Variants in ST3GAL3 observed in about 807,000 individuals in gnomAD.
ST3GAL3 encodes the protein ST3 beta-galactoside alpha-2,3-sialyltransferase 3.
A neutral mutation model predicts 50.1 loss-of-function variants in ST3GAL3; 21 were observed. The ratio of observed to expected loss-of-function variants is 0.42; its 90% confidence interval spans 0.30 to 0.60. The LOEUF (loss-of-function observed/expected upper bound fraction) is 0.60, where lower values mean the gene tolerates loss of function less well. Among genes scored for constraint, ST3GAL3 ranks in the 20% least tolerant of loss-of-function variants. ST3GAL3 has a pLI of 0.19. For synonymous variants in ST3GAL3, 183 were observed against 190.0 expected (o/e 0.96, Z 0.30); for missense variants, 353 against 489.4 (o/e 0.72, Z 2.63).
rs67747915 is a variant in ST3GAL3, at chr1:43,761,950, CAAAAAAAAAAA to C, written c.118+25589_118+25599del. ...TGGGCAACAGAGCGACACTCTGTCT[CAAAAAAAAAAA>C]AAAAAAAAAAAAAAAAAATTCAGGC... On this transcript the variant is annotated intron_variant, in intron 2 of 11. Coordinates refer to ENST00000347631, the MANE Select transcript of ST3GAL3 (RefSeq NM_006279.5). 3.8e-3 allele frequency among the ~76,000 whole-genome samples: 264 copies of C among 68,836 alleles called. 4 individuals are homozygous for C. The East Asian group carries it at 0.06, about 16-fold the overall frequency. The allele number at this position is 68,836 out of a possible 152,430, so 45.2% of individuals were successfully genotyped here. A position where few individuals can be genotyped will look rare whatever the true frequency, so the allele number is the denominator to read the frequency against.
intron 5 of ST3GAL3, among the ~76,000 whole-genome samples, chr1:43,886,821 A>G (rs943621963): frequency 6.6e-6 from 1 of 152,212 alleles, no homozygotes; most frequent in Non-Finnish European, 1.5e-5. Context: ...AAGCGGGTAC[A>G]TGGCCAGGAC....
intron 2 of ST3GAL3, among the ~76,000 whole-genome samples, chr1:43,749,167 C>G (rs908828170): frequency 6.6e-6 from 1 of 152,084 alleles, no homozygotes; most frequent in Admixed American, 6.6e-5. Context: ...AATAAGGAAC[C>G]ACAATTCCTA....
At position 43,881,642 on chromosome 1, in the gene ST3GAL3, G is replaced by A. The variant is rs545356929; in HGVS notation, c.303-12741G>A. Among the ~76,000 whole-genome samples the A allele has an allele frequency of 2.6e-4, 39 of 152,324 alleles. No homozygotes were observed. The South Asian group carries it at 6.8e-3, about 27-fold the overall frequency. On this transcript the variant is annotated intron_variant, in intron 5 of 11. Transcript: ENST00000347631. ...AGGCACTGCCCCCTTGAGGGCCTCTGGCTCAGCCTCTCCTCTCCTCCTTCA... is the reference window on the plus strand; with the variant it reads ...AGGCACTGCCCCCTTGAGGGCCTCTAGCTCAGCCTCTCCTCTCCTCCTTCA...
At chr1:43,813,157 C>T (rs776640340) in intron 3 of ST3GAL3, among the ~76,000 whole-genome samples, 2 of 152,126 alleles carry the variant, frequency 1.3e-5, no homozygotes, top group Non-Finnish European at 2.9e-5. Context: ...CATTCTCTGG[C>T]CTCTCTGGAA....
chr1:43,754,556 C>T (rs1262748895), intron 2 of ST3GAL3, among the ~76,000 whole-genome samples: 1 of 152,166 alleles, frequency 6.6e-6, no homozygotes, highest in Non-Finnish European at 1.5e-5. Flanking sequence ...AAAGGGCATA[C>T]AGGCTCGTTG....
At chr1:43,898,573 A>G (rs2077735346) in intron 7 of ST3GAL3, 1 of 530,518 alleles carries the variant, frequency 1.9e-6, no homozygotes, top group Non-Finnish European at 3.5e-6. Context: ...GGACTAGCCC[A>G]GCAATGGGAC....
intron 11 of ST3GAL3, chr1:43,921,389 A>C: frequency 2.4e-6 from 1 of 422,722 alleles, no homozygotes; most frequent in African/African-American, 2.0e-5. Context: ...TGTAGGGTAC[A>C]TTACAGGTCT....
At chr1:43,780,867 G>A (rs1461554898) in intron 2 of ST3GAL3, among the ~76,000 whole-genome samples, 1 of 151,704 alleles carries the variant, frequency 6.6e-6, no homozygotes, top group East Asian at 1.9e-4. Context: ...TTGCATTTAG[G>A]TTTCATTTGT....
At chr1:43,781,922 ATT>A (rs1431245323) in intron 2 of ST3GAL3, among the ~76,000 whole-genome samples, 1 of 152,190 alleles carries the variant, frequency 6.6e-6, no homozygotes, top group African/African-American at 2.4e-5. Flanking sequence ...ATAATACTTC[ATT>A]AAGTCAAACT....
intron 11 of ST3GAL3, among the ~76,000 whole-genome samples, chr1:43,929,743 C>G (rs1457337188): frequency 3.3e-5 from 5 of 152,222 alleles, no homozygotes; most frequent in South Asian, 2.1e-4. Context: ...CCACCCCTTG[C>G]TGTTGGACTT....
intron 1 of ST3GAL3, chr1:43,720,424 C>G (rs1318649916): frequency 2.6e-5 from 4 of 152,178 alleles, no homozygotes; most frequent in African/African-American, 9.7e-5. Context: ...GTTACTATAA[C>G]AATAGCTAAG....
chr1:43,800,575 A>G (rs564736645), intron 3 of ST3GAL3, among the ~76,000 whole-genome samples: 18 of 152,316 alleles, frequency 1.2e-4, no homozygotes, highest in African/African-American at 4.1e-4. Flanking sequence ...GGCATAACGT[A>G]AAGGAAAGAA....
Position 43,774,620 on chromosome 1 carries a change from A to T in ST3GAL3, c.119-17482A>T, listed in dbSNP as rs568337317. On this transcript the variant is annotated intron_variant, in intron 2 of 11. Coordinates refer to ENST00000347631, the MANE Select transcript of ST3GAL3 (RefSeq NM_006279.5). ...TGGAGCCAAGCATCTCCAGGGCTGT[A>T]GATGTCCTAAAATACAGATTTGTAA... 2.6e-5 allele frequency among the ~76,000 whole-genome samples: 4 copies of T among 152,342 alleles called. No individual in the cohort carries two copies. The East Asian group carries it at 7.7e-4, about 29-fold the overall frequency.
chr1:43,913,269 AG>A (rs1340531607), intron 9 of ST3GAL3: 1 of 152,230 alleles, frequency 6.6e-6, no homozygotes, highest in Non-Finnish European at 1.5e-5. Context: ...AATCATAATA[AG>A]TAAGATTTAT....
At chr1:43,733,427 T>A (rs902756987) in intron 1 of ST3GAL3, among the ~76,000 whole-genome samples, 1 of 152,242 alleles carries the variant, frequency 6.6e-6, no homozygotes, top group Non-Finnish European at 1.5e-5. Flanking sequence ...TTTCTCCCAT[T>A]TTTATATGTA....
chr1:43,798,863 A>G (rs1468463824), intron 3 of ST3GAL3, among the ~76,000 whole-genome samples: 1 of 152,226 alleles, frequency 6.6e-6, no homozygotes, highest in Non-Finnish European at 1.5e-5. Flanking sequence ...ATAGGTGCTA[A>G]GTAGGTGTTA....
At chr1:43,889,354 G>A (rs1408445462) in intron 5 of ST3GAL3, among the ~76,000 whole-genome samples, 3 of 152,078 alleles carry the variant, frequency 2.0e-5, no homozygotes, top group African/African-American at 7.2e-5. Flanking sequence ...AATGTATTTT[G>A]TTTGTGAATT....
Position 43,920,870 on chromosome 1 carries a change from G to C in ST3GAL3, c.980G>C (p.Ser327Thr). ...VAVAGFGYDM[S>T]TPNAPLHYYE... ...GTCGCAGGATTTGGCTATGACATGA[G>C]CACACCCAACGCACCCCTGCACTAC... The change falls in exon 11 of 12, where the codon AGC becomes ACC. Residue 327 changes from serine to threonine, a missense_variant. Coordinates refer to ENST00000347631, the MANE Select transcript of ST3GAL3 (RefSeq NM_006279.5). 1 of 1,613,704 alleles carries C rather than the reference G, an allele frequency of 6.2e-7. No homozygotes were observed. The highest frequency in any genetic ancestry group is 8.5e-7 in the Non-Finnish European group (1 of 1,179,812).
Position 43,736,303 on chromosome 1 carries a change from T to C in ST3GAL3, c.41T>C (p.Leu14Pro). Residue 14 changes from leucine (L) to proline (P), a missense_variant, in exon 2 of 12, where the codon CTC becomes CCC. By Grantham distance (98) the Leu-to-Pro change is moderately conservative. Coordinates refer to ENST00000347631, the MANE Select transcript of ST3GAL3 (RefSeq NM_006279.5). ...TTTGTGCGCAATCTGCTGCTAGCCC[T>C]CTGCCTCTTTCTGGTACTGGGATTT... ...LVFVRNLLLA[L>P]CLFLVLGFLY... is the part of the protein sequence containing the mutation. The C allele has an allele frequency of 1.9e-6, 3 of 1,614,196 alleles. No homozygotes were observed. Among genetic ancestry groups the C allele is most frequent in the Non-Finnish European group, 2.5e-6 (3 of 1,180,030 alleles).
Sources: allele counts gnomAD v4.1 joint callset (sites outside exome capture counted in the v4.1 genomes callset), GRCh38; gene constraint gnomAD v4.1.1; transcripts MANE v1.5; gene names NCBI Gene and HGNC (gene_info 2026-07-23, HGNC 2026-07-21).